The following ABHD17A variants were observed in gnomAD, a reference collection of about 807,000 sequenced individuals.
The protein encoded by ABHD17A is alpha/beta hydrolase domain-containing protein 17A.
A neutral mutation model predicts 26.8 loss-of-function variants in ABHD17A; 10 were observed. The ratio of observed to expected loss-of-function variants is 0.37; its 90% CI spans 0.23 to 0.63. The LOEUF (loss-of-function observed/expected upper bound fraction) is 0.63, where lower values mean the gene tolerates loss of function less well. ABHD17A is among the 30% of genes least tolerant of loss of function. The pLI, the probability that ABHD17A is intolerant of heterozygous loss-of-function variation, is 0.61. For missense variants in ABHD17A, 292 were observed against 457.3 expected (o/e 0.64, Z 3.30); for synonymous variants, 167 against 210.9 (o/e 0.79, Z 1.80).
In ABHD17A at chr19:1,880,201, C is replaced by T. The variant is rs1436870311; in HGVS notation, c.333-86G>A. 11 of 1,455,644 alleles carry T rather than the reference C, an allele frequency of 7.6e-6. No homozygotes were observed. The highest frequency in any genetic ancestry group is 2.4e-4 in the Middle Eastern group (1 of 4,242). 90.2% of individuals were successfully genotyped at this position (1,455,644 alleles called of 1,614,324 possible). ...GAGGATGCGTAGTGACAGCCCACCC[C>T]GGTGGCCAGCCATGCCCAGTGCCTC... On this transcript the variant is annotated intron_variant, in intron 2 of 4. Transcript: ENST00000292577. This position sits in a 1 kb window ranked among gnomAD's most constrained non-coding sequence, Gnocchi z 4.1.
At chr19:1,881,865 C>A in intron 1 of ABHD17A, 61 bp from the exon 2 acceptor site, 1 of 332,618 alleles carries the variant, frequency 3.0e-6, no homozygotes, top group Non-Finnish European at 5.4e-6. Flanking sequence ...CTGGGCACCC[C>A]CGGGAGGCGG....
At position 1,879,947 on chromosome 19, in the gene ABHD17A, G is replaced by A. The variant is rs757768030; in HGVS notation, c.501C>T (p.Asp167=). 17 of 1,612,354 alleles carry A rather than the reference G, an allele frequency of 1.1e-5. No homozygotes were observed. Among genetic ancestry groups the A allele is most frequent in the African/African-American group, 6.7e-5 (5 of 75,056 alleles). Residue 167 remains aspartate (D), a synonymous_variant, in exon 3 of 5, where the codon GAC becomes GAT. Coordinates refer to ENST00000292577, the MANE Select transcript of ABHD17A (RefSeq NM_001130111.2). This position sits in a 1 kb window ranked among gnomAD's most constrained non-coding sequence, Gnocchi z 7.6. ...TGGTGCGCAGGGCCTGCCAGGCGGC[G>A]TCGATGTCGGCATAGAGGTTCCTCT... ...PSERNLYADI[D]AAWQALRTRY... is the part of the protein sequence containing the mutation.
In ABHD17A at chr19:1,879,998, G is replaced by A. The variant is rs139072903; in HGVS notation, c.450C>T (p.Tyr150=). 9.5e-4 allele frequency: 1,540 copies of A among 1,613,232 alleles called. 7 individuals carry two copies. The highest frequency in any genetic ancestry group is 5.9e-4 in the Non-Finnish European group (696 of 1,180,004). ...CGGAAGGCCTGCCCGAGCTGGCACCGTAGCCGGAGTAGTCGTAGGAGAAGA... is the reference window on the plus strand; with the variant it reads ...CGGAAGGCCTGCCCGAGCTGGCACCATAGCCGGAGTAGTCGTAGGAGAAGA... The part of the protein sequence containing the change: ...CNIFSYDYSG[Y]GASSGRPSER... Residue 150 remains tyrosine, a synonymous_variant, in exon 3 of 5, where the codon TAC becomes TAT. Transcript: ENST00000292577. The surrounding 1 kb of genome is among the most constrained non-coding windows in gnomAD (Gnocchi z 7.6).
At position 1,879,528 on chromosome 19, in the gene ABHD17A, C is replaced by G. The variant is rs936486527; in HGVS notation, c.527+393G>C. 1 of 298,386 alleles carries G rather than the reference C, an allele frequency of 3.4e-6. No individual in the cohort carries two copies. Among genetic ancestry groups the G allele is most frequent in the African/African-American group, 2.2e-5 (1 of 44,908 alleles). 18.5% of individuals were successfully genotyped at this position (298,386 alleles called of 1,614,324 possible). Reference sequence around the variant, plus strand: ...AGTCCTCCGGACCTGGATGCAGCAGCCTCGCCTCACTTGGCCCCAAGTGCT... The same window carrying G: ...AGTCCTCCGGACCTGGATGCAGCAGGCTCGCCTCACTTGGCCCCAAGTGCT... On this transcript the variant is annotated intron_variant, in intron 3 of 4. Coordinates refer to ENST00000292577, the MANE Select transcript of ABHD17A (RefSeq NM_001130111.2). The surrounding 1 kb of genome is among the most constrained non-coding windows in gnomAD (Gnocchi z 7.6).
At chr19:1,878,416 C>T (rs2012433242) in intron 3 of ABHD17A, 1 of 152,604 alleles carries the variant, frequency 6.6e-6, no homozygotes, top group East Asian at 1.9e-4. Flanking sequence ...TGATCCAGCA[C>T]CAGTTACAAG....
chr19:1,881,572 G>A lies in ABHD17A; in HGVS notation c.-6C>T, dbSNP rs780112317. On this transcript the variant is annotated 5_prime_UTR_variant, in exon 2 of 5. Coordinates refer to ENST00000292577, the MANE Select transcript of ABHD17A (RefSeq NM_001130111.2). ...CTCAGCGACAGCCCATTCATGGCGG[G>A]CGCCGCCCAGGCCGGGCCTCCACCG... The A allele has an allele frequency of 8.2e-6, 13 of 1,582,914 alleles. No individual in the cohort carries two copies. Among genetic ancestry groups the A allele is most frequent in the Non-Finnish European group, 1.1e-5 (13 of 1,170,998 alleles).
chr19:1,881,210 C>A (rs569119830), intron 2 of ABHD17A, 25 bp downstream of exon 2: 3 of 1,610,106 alleles, frequency 1.9e-6, no homozygotes, highest in East Asian at 2.2e-5. Flanking sequence ...GGTGACCCAG[C>A]CCAGGCGCGG....
In ABHD17A at chr19:1,881,739, C is replaced by T. The variant is rs1230165011; in HGVS notation, c.-173G>A. The stretch of plus-strand genomic sequence containing the variant: ...TTAGGAGGCCAGGGCCCAGCCCCAT[C>T]GCGGTCCAAGCCGAGCCCCAGGGAG... On this transcript the variant is annotated 5_prime_UTR_variant, in exon 2 of 5. Transcript: ENST00000292577. The T allele has an allele frequency of 4.2e-6, 4 of 948,120 alleles. No homozygotes were observed. The highest frequency in any genetic ancestry group is 1.7e-5 in the African/African-American group (1 of 57,392). The allele number at this position is 948,120 out of a possible 1,614,324, so 58.7% of individuals were successfully genotyped here.
chr19:1,884,824 G>A (rs2012632887), intron 1 of ABHD17A, among the ~76,000 whole-genome samples: 1 of 152,168 alleles, frequency 6.6e-6, no homozygotes, highest in African/African-American at 2.4e-5. Context: ...AAATGGCGGG[G>A]CCGCGAAGAA....
chr19:1,877,360 A>C lies in ABHD17A; in HGVS notation c.773T>G (p.Ile258Ser). The C allele has an allele frequency of 6.5e-7, 1 of 1,547,604 alleles. No homozygotes were observed. Among genetic ancestry groups the C allele is most frequent in the Non-Finnish European group, 8.7e-7 (1 of 1,153,372 alleles). Residue 258 changes from isoleucine (I) to serine (S), a missense_variant, in exon 5 of 5, where the codon ATC becomes AGC. Around this residue, in one of 4 missense-constraint regions of ABHD17A, gnomAD observed 88 missense variants for 134.3 expected, o/e 0.66. Coordinates refer to ENST00000292577, the MANE Select transcript of ABHD17A (RefSeq NM_001130111.2). ...GAGCGCCAGCCCGTGCGAGAAGTCG[A>C]TCACCTCGTCCTCCGTGCCGTGGAT... The part of the protein sequence containing the change: ...LIIHGTEDEV[I>S]DFSHGLALYE...
chr19:1,882,725 T>C (rs757285958), intron 1 of ABHD17A: 2 of 152,014 alleles, frequency 1.3e-5, no homozygotes. Context: ...ACCACAATAG[T>C]GTAAGGACCT....
rs932540663 is a variant in ABHD17A, at chr19:1,879,016, G to A, written c.527+905C>T. On this transcript the variant is annotated intron_variant, in intron 3 of 4. Coordinates refer to ENST00000292577, the MANE Select transcript of ABHD17A (RefSeq NM_001130111.2). The surrounding 1 kb of genome is among the most constrained non-coding windows in gnomAD (Gnocchi z 7.6). ...AGGCAGTAGAGACAGGAGGGGCCGA[G>A]GAAGTCGCATGAAGTGGTGATTGGT... The A allele has an allele frequency of 1.3e-5, 2 of 152,366 alleles. No individual in the cohort carries two copies. Among genetic ancestry groups the A allele is most frequent in the South Asian group, 2.1e-4 (1 of 4,832 alleles). The allele number at this position is 152,366 out of a possible 1,614,324, so 9.4% of individuals were successfully genotyped here.
At chr19:1,881,183 G>A (rs551013080) in intron 2 of ABHD17A, 52 bp downstream of exon 2, 57 of 1,603,766 alleles carry the variant, frequency 3.6e-5, no homozygotes, top group South Asian at 1.1e-4. Flanking sequence ...AGGCAGAAAC[G>A]GGAGCCCCAA....
Position 1,880,108 on chromosome 19 carries a change from C to G in ABHD17A, c.340G>C (p.Val114Leu). The change falls in exon 3 of 5, where the codon GTC becomes CTC. Residue 114 changes from valine (V) to leucine (L), a missense_variant. Coordinates refer to ENST00000292577, the MANE Select transcript of ABHD17A (RefSeq NM_001130111.2). This position sits in a 1 kb window ranked among gnomAD's most constrained non-coding sequence, Gnocchi z 4.1. Reference protein sequence around the residue: ...VRCVPGARYTVLFSHGNAVDL... With the variant: ...VRCVPGARYTLLFSHGNAVDL... ...ACGGCATTGCCGTGCGAGAAGAGGA[C>G]CGTGTACCTGGGACAGGCCGAGAAG... 6.2e-7 allele frequency: 1 copy of G among 1,613,002 alleles called. No homozygotes were observed. The highest frequency in any genetic ancestry group is 8.5e-7 in the Non-Finnish European group (1 of 1,179,938).
intron 2 of ABHD17A, chr19:1,881,023 G>T (rs562316671): frequency 1.2e-6 from 2 of 1,610,908 alleles, no homozygotes; most frequent in African/African-American, 2.7e-5. Context: ...AGCTGGGGAT[G>T]GCCTCCCTGA....
chr19:1,878,131 C>T (rs2012425509), intron 3 of ABHD17A: 1 of 175,586 alleles, frequency 5.7e-6, no homozygotes, highest in African/African-American at 2.4e-5. Context: ...ACTATTCCTC[C>T]CTGCAGCCCT....
rs1280989889 is a variant in ABHD17A at position 1,876,951 on chromosome 19, G to C, written c.*249C>G. The C allele has an allele frequency of 5.6e-6, 3 of 532,204 alleles. No individual in the cohort carries two copies. In the African/African-American group the frequency reaches 5.8e-5, roughly 10 times the overall value. 33.0% of individuals were successfully genotyped at this position (532,204 alleles called of 1,614,324 possible). Reference sequence around the variant, plus strand: ...CTGAGCGCTCGAGAGAGTGAGCAGAGCCATGAAAGGAAGGAGAGCAGCCCT... The same window carrying C: ...CTGAGCGCTCGAGAGAGTGAGCAGACCCATGAAAGGAAGGAGAGCAGCCCT... On this transcript the variant is annotated 3_prime_UTR_variant, in exon 5 of 5. Coordinates refer to ENST00000292577, the MANE Select transcript of ABHD17A (RefSeq NM_001130111.2).
rs2145383835 is a variant in ABHD17A, at chr19:1,876,831, A to G, written c.*369T>C. 3.9e-6 allele frequency: 1 copy of G among 256,376 alleles called. No individual in the cohort carries two copies. The highest frequency in any genetic ancestry group is 7.6e-6 in the Non-Finnish European group (1 of 131,508). 15.9% of individuals were successfully genotyped at this position (256,376 alleles called of 1,614,324 possible). On this transcript the variant is annotated 3_prime_UTR_variant, in exon 5 of 5. Coordinates refer to ENST00000292577, the MANE Select transcript of ABHD17A (RefSeq NM_001130111.2). Reference sequence around the variant, plus strand: ...CCCGGACTAGACAGAGACCCACCCCACTTCCGCAGAGTAAAACCTATAAGG... The same window carrying G: ...CCCGGACTAGACAGAGACCCACCCCGCTTCCGCAGAGTAAAACCTATAAGG...
At position 1,879,688 on chromosome 19, in the gene ABHD17A, A is replaced by G. The variant is rs7249096; in HGVS notation, c.527+233T>C. Reference sequence around the variant, plus strand: ...TCCTCAGGCCAGGGGTTCCCAGGGAACCTGGCTCCACAGGCCAGGGTGTGG... The same window carrying G: ...TCCTCAGGCCAGGGGTTCCCAGGGAGCCTGGCTCCACAGGCCAGGGTGTGG... On this transcript the variant is annotated intron_variant, in intron 3 of 4. Transcript: ENST00000292577. The surrounding 1 kb of genome is among the most constrained non-coding windows in gnomAD (Gnocchi z 7.6). The G allele has an allele frequency of 0.62, 344,448 of 557,008 alleles. 107,136 individuals carry two copies. Among genetic ancestry groups the G allele is most frequent in the Admixed American group, 0.67 (21,254 of 31,860 alleles). The allele number at this position is 557,008 out of a possible 1,614,324, so 34.5% of individuals were successfully genotyped here. A position where few individuals can be genotyped will look rare whatever the true frequency, so the allele number is the denominator to read the frequency against.
Sources: allele counts gnomAD v4.1 joint callset (sites outside exome capture counted in the v4.1 genomes callset), GRCh38; gene constraint gnomAD v4.1.1; regional missense constraint gnomAD v4.1.1; non-coding constraint Gnocchi (gnomAD v3.1); transcripts MANE v1.5; gene names NCBI Gene and HGNC (gene_info 2026-07-23, HGNC 2026-07-21).